The following CORIN variants were observed in gnomAD, a reference collection of about 807,000 sequenced individuals.
The protein encoded by CORIN is corin, serine peptidase, also known as atrial natriuretic peptide-converting enzyme.
A neutral mutation model predicts 125.3 loss-of-function variants in CORIN; 117 were observed. The observed-to-expected ratio is 0.93, with a 90% CI of 0.80 to 1.09. CORIN has a LOEUF of 1.09. CORIN is among the 50% of genes least tolerant of loss of function. CORIN has a pLI of 0.00. For synonymous variants in CORIN, 450 were observed against 466.4 expected (o/e 0.96, Z 0.45); for missense variants, 1,253 against 1,306.7 (o/e 0.96, Z 0.63).
intron 5 of CORIN, among the ~76,000 whole-genome samples, chr4:47,707,507 A>G (rs1326398932): frequency 3.3e-5 from 5 of 152,198 alleles, no homozygotes; most frequent in Admixed American, 1.3e-4. Flanking sequence ...TTAAAAGCCA[A>G]TTCCTAAGGA....
intron 8 of CORIN, among the ~76,000 whole-genome samples, chr4:47,679,327 A>T (rs1353830935): frequency 6.6e-6 from 1 of 152,106 alleles, no homozygotes; most frequent in African/African-American, 2.4e-5. Context: ...TCACACAGAA[A>T]CACAACAGTT....
At chr4:47,642,869 T>G in intron 15 of CORIN, 1 of 1,459,014 alleles carries the variant, frequency 6.9e-7, no homozygotes, top group Non-Finnish European at 9.0e-7. Context: ...AATGAAGAGT[T>G]TTTAAATCCT....
intron 5 of CORIN, among the ~76,000 whole-genome samples, chr4:47,733,781 ATTTAC>A (rs1368520482): frequency 6.6e-6 from 1 of 152,198 alleles, no homozygotes; most frequent in Non-Finnish European, 1.5e-5. Flanking sequence ...TTAGCACATT[ATTTAC>A]TTTACAAGAC....
At chr4:47,706,737 G>A (rs1726583441) in intron 5 of CORIN, 1 of 1,602,854 alleles carries the variant, frequency 6.2e-7, no homozygotes, top group African/African-American at 1.3e-5. Context: ...TACTGGGTTG[G>A]TGAAGATTCC....
intron 19 of CORIN, among the ~76,000 whole-genome samples, chr4:47,616,505 GT>G (rs1254303298): frequency 1.3e-5 from 2 of 152,100 alleles, no homozygotes; most frequent in African/African-American, 4.8e-5. Context: ...AAAACAAGGA[GT>G]TTTTGTGTTA....
At position 47,623,883 on chromosome 4, in the gene CORIN, C is replaced by A. The variant is rs1336221139; in HGVS notation, c.2365+16G>T. 1.9e-6 allele frequency: 3 copies of A among 1,612,490 alleles called. No homozygotes were observed. On this transcript the variant is annotated intron_variant, in intron 18 of 21. Transcript: ENST00000273857. Reference sequence around the variant, plus strand: ...ATTAAGTTCATATCCCATTGCCACACCTCTAATTCTCTCACCTTGTTTAGT... The same window carrying A: ...ATTAAGTTCATATCCCATTGCCACAACTCTAATTCTCTCACCTTGTTTAGT...
chr4:47,816,245 T>C (rs1386657682), intron 1 of CORIN, among the ~76,000 whole-genome samples: 1 of 152,234 alleles, frequency 6.6e-6, no homozygotes. Context: ...ATGCATTAGA[T>C]GAAGCAGCAA....
intron 17 of CORIN, among the ~76,000 whole-genome samples, chr4:47,625,510 A>C (rs1487546860): frequency 6.6e-6 from 1 of 152,202 alleles, no homozygotes; most frequent in Non-Finnish European, 1.5e-5. Context: ...TAAAAGATTT[A>C]GGTCATTGTT....
At chr4:47,775,354 G>A (rs998905001) in intron 3 of CORIN, among the ~76,000 whole-genome samples, 14 of 151,938 alleles carry the variant, frequency 9.2e-5, no homozygotes, top group African/African-American at 2.9e-4. Flanking sequence ...ATCTCCTAAT[G>A]CTATCTCTCC....
At chr4:47,636,600 T>G (rs958434357) in intron 16 of CORIN, among the ~76,000 whole-genome samples, 1 of 152,116 alleles carries the variant, frequency 6.6e-6, no homozygotes, top group Non-Finnish European at 1.5e-5. Context: ...GTTCTCATGA[T>G]AGTGAATGAG....
intron 16 of CORIN, among the ~76,000 whole-genome samples, chr4:47,629,735 T>C (rs1722731860): frequency 6.6e-6 from 1 of 152,168 alleles, no homozygotes. Flanking sequence ...TAGTGACTTA[T>C]CTTAGAAGTC....
intron 20 of CORIN, among the ~76,000 whole-genome samples, chr4:47,601,535 C>T (rs1278852556): frequency 6.6e-6 from 1 of 151,950 alleles, no homozygotes; most frequent in African/African-American, 2.4e-5. Flanking sequence ...GACAGAGTTC[C>T]ACCATGTTGC....
chr4:47,792,425 A>G (rs1731120931), intron 2 of CORIN, among the ~76,000 whole-genome samples: 1 of 152,222 alleles, frequency 6.6e-6, no homozygotes, highest in Non-Finnish European at 1.5e-5. Flanking sequence ...GGCTATTGTA[A>G]TACTCCAAGT....
chr4:47,597,371 GAAGA>G (rs1361852319), intron 21 of CORIN, among the ~76,000 whole-genome samples: 1 of 147,574 alleles, frequency 6.8e-6, no homozygotes, highest in Non-Finnish European at 1.5e-5. Flanking sequence ...AAAAAAAGAA[GAAGA>G]AAGAGATTAA....
At chr4:47,821,095 T>C (rs1280368318) in intron 1 of CORIN, among the ~76,000 whole-genome samples, 4 of 151,876 alleles carry the variant, frequency 2.6e-5, no homozygotes, top group African/African-American at 9.7e-5. Context: ...ATTAGCCAGA[T>C]GTGGTGACGT....
chr4:47,664,645 A>ACCC (rs1365667321), intron 11 of CORIN, among the ~76,000 whole-genome samples: 2 of 152,196 alleles, frequency 1.3e-5, no homozygotes, highest in East Asian at 1.9e-4. Context: ...TCATATCTCT[A>ACCC]ACAAGTGCTG....
chr4:47,836,503 TAA>T (rs1413504385), intron 1 of CORIN, among the ~76,000 whole-genome samples: 3 of 152,340 alleles, frequency 2.0e-5, no homozygotes, highest in South Asian at 2.1e-4. Context: ...CTTCCATCGA[TAA>T]GTTACTTTAA....
chr4:47,757,880 A>G lies in CORIN; in HGVS notation c.617+5499T>C, dbSNP rs201165400. ...CACATATATATACATATATATATGTATATATATATATATATATATATATAT... is the reference window on the plus strand; with the variant it reads ...CACATATATATACATATATATATGTGTATATATATATATATATATATATAT... On this transcript the variant is annotated intron_variant, in intron 4 of 21. Transcript: ENST00000273857. 5.2e-3 allele frequency among the ~76,000 whole-genome samples: 619 copies of G among 119,256 alleles called. 7 individuals carry two copies. The East Asian group carries it at 0.074, about 14-fold the overall frequency. The allele number at this position is 119,256 out of a possible 152,430, so 78.2% of individuals were successfully genotyped here.
At chr4:47,807,231 C>T (rs1731837860) in intron 1 of CORIN, among the ~76,000 whole-genome samples, 184 bp from the exon 2 acceptor site, 2 of 152,238 alleles carry the variant, frequency 1.3e-5, no homozygotes, top group African/African-American at 4.8e-5. Flanking sequence ...TGTACATCTA[C>T]ATTCAGGGAA....
Sources: gnomAD v4.1 joint callset for allele counts (sites outside exome capture counted in the v4.1 genomes callset) on GRCh38, gnomAD v4.1.1 for gene constraint, MANE v1.5 for transcripts, NCBI Gene and HGNC (gene_info 2026-07-23, HGNC 2026-07-21) for gene names.